The following EBP variants were observed in gnomAD, a reference collection of about 807,000 sequenced individuals.
EBP encodes EBP cholestenol delta-isomerase.
Under a neutral mutation model 14.1 loss-of-function variants are expected in EBP, and 1 was observed. The ratio of observed to expected loss-of-function variants is 0.07; its 90% CI spans 0.03 to 0.34. The LOEUF (loss-of-function observed/expected upper bound fraction) is 0.34, where lower values mean the gene tolerates loss of function less well. Among genes scored for constraint, EBP ranks in the 10% least tolerant of loss-of-function variants. The pLI, the probability that EBP is intolerant of heterozygous loss-of-function variation, is 0.99. For synonymous variants in EBP, 72 were observed against 77.7 expected (o/e 0.93, Z 0.38); for missense variants, 123 against 184.6 (o/e 0.67, Z 1.93).
At position 48,528,643 on chromosome X, in the gene EBP, A is replaced by C. The variant is rs1384652576; in HGVS notation, c.*186A>C. ...GCACTGCTGGGAGCCATTAGAACAC[A>C]GATACAAGAGAAGCCAGGAGGTCTA... On this transcript the variant is annotated 3_prime_UTR_variant, in exon 5 of 5. Transcript: ENST00000495186. 1 of 458,900 alleles carries C rather than the reference A, an allele frequency of 2.2e-6. No homozygotes were observed. The highest frequency in any genetic ancestry group is 3.8e-6 in the Non-Finnish European group (1 of 264,487). 37.8% of individuals were successfully genotyped at this position (458,900 alleles called of 1,213,427 possible).
intron 2 of EBP, among the ~76,000 whole-genome samples, chrX:48,525,829 G>A (rs781931532): frequency 6.5e-4 from 72 of 110,129 alleles, no homozygotes; most frequent in Middle Eastern, 4.7e-3. Context: ...GCTCATGCCT[G>A]TAATCCCAGC....
At position 48,528,346 on chromosome X, in the gene EBP, C is replaced by T; in HGVS notation, c.582C>T (p.Ala194=). The T allele has an allele frequency of 8.3e-7, 1 of 1,205,080 alleles. No homozygotes were observed. Among genetic ancestry groups the T allele is most frequent in the Non-Finnish European group, 1.1e-6 (1 of 891,988 alleles). Reference sequence around the variant, plus strand: ...GGTTTTACTTTGTCTTCATGAATGCCCTGTGGCTGGTGCTGCCTGGAGTCC... The same window carrying T: ...GGTTTTACTTTGTCTTCATGAATGCTCTGTGGCTGGTGCTGCCTGGAGTCC... ...YFWFYFVFMN[A]LWLVLPGVLV... The change falls in exon 5 of 5, where the codon GCC becomes GCT. Residue 194 remains alanine (A), a synonymous_variant. Coordinates refer to ENST00000495186, the MANE Select transcript of EBP (RefSeq NM_006579.3).
At chrX:48,526,445 C>T (rs2061779532) in intron 2 of EBP, among the ~76,000 whole-genome samples, 1 of 107,397 alleles carries the variant, frequency 9.3e-6, no homozygotes, top group South Asian at 4.1e-4. Flanking sequence ...GGGCTCAAGA[C>T]ATCCTCCCAC....
rs782365502 is a variant in EBP, at chrX:48,528,280, C to T, written c.516C>T (p.Asp172=). 1.2e-5 allele frequency: 15 copies of T among 1,209,896 alleles called. No homozygotes were observed. In the South Asian group the frequency reaches 1.8e-4, roughly 14 times the overall value. The change falls in exon 5 of 5, where the codon GAC becomes GAT. Residue 172 remains aspartate, a synonymous_variant. Coordinates refer to ENST00000495186, the MANE Select transcript of EBP (RefSeq NM_006579.3). ...DVLYFLTEHR[D]GFQHGELGHP... is the part of the protein sequence containing the mutation. ...TCTACTTCCTGACAGAGCACCGCGA[C>T]GGATTCCAGCACGGAGAGCTGGGCC... is the stretch of plus-strand genomic sequence containing the variant.
intron 4 of EBP, chrX:48,527,692 A>C: frequency 6.1e-6 from 1 of 163,354 alleles, no homozygotes; most frequent in Non-Finnish European, 1.2e-5. Context: ...TGCAACCTCC[A>C]CCTCCCAGAC....
chrX:48,524,813 C>G (rs1246043785), intron 2 of EBP: 1 of 108,546 alleles, frequency 9.2e-6, no homozygotes, highest in Non-Finnish European at 1.9e-5. Flanking sequence ...CTCAGCCTCC[C>G]CAGTAGCTGG....
At chrX:48,523,609 C>A in intron 1 of EBP, 90 bp from the exon 2 acceptor site, 2 of 451,210 alleles carry the variant, frequency 4.4e-6, no homozygotes, top group Non-Finnish European at 7.3e-6. Context: ...TGTCTGTTAA[C>A]TGGTAAATTC....
chrX:48,525,442 C>T (rs1333265731), intron 2 of EBP, among the ~76,000 whole-genome samples: 2 of 111,589 alleles, frequency 1.8e-5, no homozygotes, highest in Non-Finnish European at 3.8e-5. Flanking sequence ...TTATAGCTCA[C>T]TGCAACCTTG....
intron 1 of EBP, chrX:48,522,123 C>T (rs934269445): frequency 8.9e-6 from 1 of 111,806 alleles, no homozygotes; most frequent in Non-Finnish European, 1.9e-5. Context: ...TTCGGATTGA[C>T]CGGCTTTGTG....
Position 48,528,275 on chromosome X carries a change from C to T in EBP, c.511C>T (p.Arg171Cys), listed in dbSNP as rs141925556. 1,114 of 1,209,745 alleles carry T rather than the reference C, an allele frequency of 9.2e-4. 2 individuals are homozygous for T. The highest frequency in any genetic ancestry group is 1.1e-3 in the Non-Finnish European group (1,006 of 895,158). Residue 171 changes from arginine to cysteine, a missense_variant, in exon 5 of 5, where the codon CGC (arginine) becomes TGC (cysteine). Coordinates refer to ENST00000495186, the MANE Select transcript of EBP (RefSeq NM_006579.3). Reference protein sequence around the residue: ...GDVLYFLTEHRDGFQHGELGH... With the variant: ...GDVLYFLTEHCDGFQHGELGH... ...TGTGCTCTACTTCCTGACAGAGCAC[C>T]GCGACGGATTCCAGCACGGAGAGCT...
chrX:48,526,391 G>T (rs1386387725), intron 2 of EBP, among the ~76,000 whole-genome samples: 1 of 98,296 alleles, frequency 1.0e-5, no homozygotes, highest in Non-Finnish European at 2.0e-5. Flanking sequence ...TGTCCAGGCT[G>T]AGCACTGTGG....
At chrX:48,523,566 A>C (rs1424955502) in intron 1 of EBP, 133 bp from the exon 2 acceptor site, 1 of 458,154 alleles carries the variant, frequency 2.2e-6, no homozygotes, top group Non-Finnish European at 3.6e-6. Context: ...AAAAAAAAAA[A>C]AAAACGGAAT....
rs781827007 is a variant in EBP, at chrX:48,527,362, TG to T, written c.469+80del. The T allele has an allele frequency of 1.2e-5, 14 of 1,193,429 alleles. No homozygotes were observed. The East Asian group carries it at 4.2e-4, about 36-fold the overall frequency. ...ATCCACAGACACAGATGTATCCCTG[TG>T]GGTGGGATCTCTCAACGGTGCCCTT... On this transcript the variant is annotated intron_variant, in intron 4 of 4. Coordinates refer to ENST00000495186, the MANE Select transcript of EBP (RefSeq NM_006579.3).
chrX:48,526,910 T>C, intron 2 of EBP, 79 bp from the exon 3 acceptor site: 1 of 1,116,023 alleles, frequency 9.0e-7, no homozygotes, highest in Admixed American at 2.2e-5. Context: ...TCTGTCTTCT[T>C]GCAGGGACCC....
intron 2 of EBP, among the ~76,000 whole-genome samples, chrX:48,526,425 T>C (rs1399344740): frequency 9.5e-6 from 1 of 105,216 alleles, no homozygotes; most frequent in Non-Finnish European, 1.9e-5. Context: ...CACTGCAGCC[T>C]CAACCTCCTG....
intron 3 of EBP, 35 bp from the exon 4 acceptor site, chrX:48,527,120 C>T: frequency 8.3e-7 from 1 of 1,211,831 alleles, no homozygotes; most frequent in Non-Finnish European, 1.1e-6. Context: ...GAAGAGCACA[C>T]CGATACCAGT....
At position 48,528,646 on chromosome X, in the gene EBP, T is replaced by C. The variant is rs1476412646; in HGVS notation, c.*189T>C. ...CTGCTGGGAGCCATTAGAACACAGATACAAGAGAAGCCAGGAGGTCTATGA... is the reference window on the plus strand; with the variant it reads ...CTGCTGGGAGCCATTAGAACACAGACACAAGAGAAGCCAGGAGGTCTATGA... On this transcript the variant is annotated 3_prime_UTR_variant, in exon 5 of 5. Coordinates refer to ENST00000495186, the MANE Select transcript of EBP (RefSeq NM_006579.3). The C allele has an allele frequency of 8.7e-6, 4 of 457,982 alleles. No individual in the cohort carries two copies. The highest frequency in any genetic ancestry group is 1.5e-5 in the Non-Finnish European group (4 of 263,661). The allele number at this position is 457,982 out of a possible 1,213,427, so 37.7% of individuals were successfully genotyped here.
chrX:48,526,344 T>TTC (rs1264667199), intron 2 of EBP, among the ~76,000 whole-genome samples: 2 of 85,661 alleles, frequency 2.3e-5, no homozygotes, highest in Admixed American at 1.2e-4. Flanking sequence ...CTTTCTTTCT[T>TTC]TTTTTTTTTT....
At position 48,526,276 on chromosome X, in the gene EBP, C is replaced by T. The variant is rs184871487; in HGVS notation, c.302-713C>T. On this transcript the variant is annotated intron_variant, in intron 2 of 4. Transcript: ENST00000495186. ...ATATACTTATTGGCCATTTAGAAAT[C>T]CTCTTTGTGAAGAACCTATTCAAGT... Among the ~76,000 whole-genome samples the T allele has an allele frequency of 1.0e-3, 111 of 109,279 alleles. 1 individual carries two copies. Among genetic ancestry groups the T allele is most frequent in the African/African-American group, 3.3e-3 (99 of 30,130 alleles). 94.9% of individuals were successfully genotyped at this position (109,279 alleles called of 115,157 possible). A position where few individuals can be genotyped will look rare whatever the true frequency, so the allele number is the denominator to read the frequency against.
Sources: gnomAD v4.1 joint callset for allele counts (sites outside exome capture counted in the v4.1 genomes callset) on GRCh38, gnomAD v4.1.1 for gene constraint, MANE v1.5 for transcripts, NCBI Gene and HGNC (gene_info 2026-07-23, HGNC 2026-07-21) for gene names.